LCORL: variants seen among roughly 807,000 people sequenced by gnomAD.
LCORL encodes ligand-dependent nuclear receptor corepressor-like protein.
A neutral mutation model predicts 141.8 loss-of-function variants in LCORL; 41 were observed. The ratio of observed to expected loss-of-function variants is 0.29; its 90% CI spans 0.23 to 0.38. LCORL has a LOEUF of 0.38. Among genes scored for constraint, LCORL ranks in the 10% least tolerant of loss-of-function variants. The pLI is 1.00. For missense variants in LCORL, 1,759 were observed against 2,035.0 expected (o/e 0.86, Z 2.61); for synonymous variants, 618 against 694.1 (o/e 0.89, Z 1.72).
chr4:17,999,664 T>C (rs959415338), intron 1 of LCORL, among the ~76,000 whole-genome samples: 6 of 152,194 alleles, frequency 3.9e-5, no homozygotes, highest in African/African-American at 1.4e-4. Flanking sequence ...AACTATAAAC[T>C]CTGGTTTATC....
At chr4:17,928,942 G>C (rs1270076214) in intron 4 of LCORL, among the ~76,000 whole-genome samples, 2 of 151,958 alleles carry the variant, frequency 1.3e-5, no homozygotes, top group South Asian at 2.1e-4. Flanking sequence ...TAATAGTCAA[G>C]TTCACAAGGT....
At chr4:18,009,155 A>G (rs1391111741) in intron 1 of LCORL, among the ~76,000 whole-genome samples, 3 of 152,072 alleles carry the variant, frequency 2.0e-5, no homozygotes, top group Non-Finnish European at 2.9e-5. Flanking sequence ...GATGAAAACC[A>G]TGAGTTCGCA....
chr4:17,909,437 A>T (rs977927746), intron 4 of LCORL, 92 bp from the exon 5 acceptor site: 2 of 947,420 alleles, frequency 2.1e-6, no homozygotes, highest in Non-Finnish European at 3.0e-6. Context: ...TAATGACTTC[A>T]GAAGTCTTTT....
At chr4:17,976,922 T>C (rs1463707130) in intron 1 of LCORL, among the ~76,000 whole-genome samples, 1 of 152,194 alleles carries the variant, frequency 6.6e-6, no homozygotes, top group Non-Finnish European at 1.5e-5. Context: ...AGTTTCATGA[T>C]TATGTGTCTT....
chr4:17,920,452 C>G (rs1017422428), intron 4 of LCORL, among the ~76,000 whole-genome samples: 2 of 152,180 alleles, frequency 1.3e-5, no homozygotes, highest in Non-Finnish European at 2.9e-5. Context: ...AGGGCTTTGC[C>G]TCAATGTTGA....
chr4:17,903,668 T>A (rs904092321), intron 5 of LCORL, among the ~76,000 whole-genome samples: 3 of 151,998 alleles, frequency 2.0e-5, no homozygotes, highest in African/African-American at 7.2e-5. Flanking sequence ...CAAAGAAATA[T>A]CCTCAAATAT....
At chr4:17,913,656 T>G (rs1216012634) in intron 4 of LCORL, among the ~76,000 whole-genome samples, 1 of 152,206 alleles carries the variant, frequency 6.6e-6, no homozygotes, top group Non-Finnish European at 1.5e-5. Context: ...GCCACAACAA[T>G]GCTCTTGCTC....
At chr4:18,000,124 TTC>T (rs937721198) in intron 1 of LCORL, among the ~76,000 whole-genome samples, 9 of 133,146 alleles carry the variant, frequency 6.8e-5, no homozygotes, top group African/African-American at 1.8e-4. Context: ...AGATTTGTGG[TTC>T]TTTTTTTTTT....
intron 6 of LCORL, chr4:17,880,977 G>C (rs1727488757): frequency 1.0e-6 from 1 of 982,904 alleles, no homozygotes; most frequent in African/African-American, 1.8e-5. Context: ...CTGCGACATT[G>C]GAAATACTGC....
chr4:18,019,809 TCTA>T (rs1725199245), intron 1 of LCORL, among the ~76,000 whole-genome samples: 1 of 152,198 alleles, frequency 6.6e-6, no homozygotes. Flanking sequence ...CCTACCTAAT[TCTA>T]CCTAAATGAG....
chr4:17,941,154 A>T (rs1463178203), intron 4 of LCORL, among the ~76,000 whole-genome samples: 3 of 152,192 alleles, frequency 2.0e-5, no homozygotes, highest in Non-Finnish European at 4.4e-5. Context: ...AGACGGGCAG[A>T]TCACGAGGTC....
chr4:17,842,232 TTA>T (rs1221432721), exon 8 of LCORL: 85 of 1,224,238 alleles, frequency 6.9e-5, no homozygotes, highest in Non-Finnish European at 9.9e-5. Flanking sequence ...GACAAAGGAT[TTA>T]GTTAGCCTAG....
In LCORL at chr4:17,962,047, AAAC is replaced by A. The variant is rs777079021; in HGVS notation, c.301-18_301-16del. ...GGTATACAATCCTAAAAGTATAAGA[AAAC>A]AACAACATACAGAATTATTTTTTAA... On this transcript the variant is annotated splice_polypyrimidine_tract_variant and intron_variant, in intron 3 of 7. Transcript: ENST00000635767. The A allele has an allele frequency of 6.5e-7, 1 of 1,543,900 alleles. No homozygotes were observed. Among genetic ancestry groups the A allele is most frequent in the South Asian group, 1.2e-5 (1 of 80,866 alleles).
chr4:17,988,695 T>A (rs985586247), intron 1 of LCORL, among the ~76,000 whole-genome samples: 3 of 152,156 alleles, frequency 2.0e-5, no homozygotes, highest in Admixed American at 1.3e-4. Context: ...TTAAAAATAA[T>A]CTTGTTTCTG....
intron 4 of LCORL, among the ~76,000 whole-genome samples, chr4:17,922,482 T>C (rs1451453286): frequency 6.6e-6 from 1 of 152,174 alleles, no homozygotes; most frequent in Non-Finnish European, 1.5e-5. Context: ...AGTCGGTTGG[T>C]TGCTCCTAAG....
At chr4:17,990,454 A>C (rs1719790152) in intron 1 of LCORL, among the ~76,000 whole-genome samples, 1 of 151,272 alleles carries the variant, frequency 6.6e-6, no homozygotes, top group Admixed American at 6.6e-5. Context: ...CTACTCACAT[A>C]ATCTCTCTCT....
intron 4 of LCORL, among the ~76,000 whole-genome samples, chr4:17,940,151 T>C (rs1356885240): frequency 2.3e-5 from 3 of 131,978 alleles, no homozygotes; most frequent in Admixed American, 1.6e-4. Context: ...TATATGTATA[T>C]ATGTATATAT....
At chr4:17,894,693 TTACTA>T (rs1395166876) in intron 5 of LCORL, among the ~76,000 whole-genome samples, 1 of 152,158 alleles carries the variant, frequency 6.6e-6, no homozygotes, top group African/African-American at 2.4e-5. Context: ...CTGGGCGACT[TTACTA>T]TACACACTTG....
At chr4:17,849,972 T>C (rs1452961946) in intron 7 of LCORL, among the ~76,000 whole-genome samples, 4 of 151,522 alleles carry the variant, frequency 2.6e-5, no homozygotes, top group Non-Finnish European at 5.9e-5. Flanking sequence ...TCAGAAATAA[T>C]GCCACATATC....
Sources: allele counts gnomAD v4.1 joint callset (sites outside exome capture counted in the v4.1 genomes callset), GRCh38; gene constraint gnomAD v4.1.1; transcripts MANE v1.5; gene names NCBI Gene and HGNC (gene_info 2026-07-23, HGNC 2026-07-21).